NAALADL2: variants seen among roughly 807,000 people sequenced by gnomAD.
NAALADL2 encodes inactive N-acetylated-alpha-linked acidic dipeptidase-like protein 2.
A neutral mutation model predicts 87.2 loss-of-function variants in NAALADL2; 76 were observed. The observed-to-expected ratio is 0.87, with a 90% CI of 0.72 to 1.05. The LOEUF (loss-of-function observed/expected upper bound fraction) is 1.05. Ranked by LOEUF, NAALADL2 falls within the 50% of genes least tolerant of loss-of-function variation. The pLI is 0.00. For missense variants in NAALADL2, 1,089 were observed against 945.8 expected, an observed-to-expected ratio of 1.15 and a Z score of -1.99; for synonymous variants, 354 against 331.0, an observed-to-expected ratio of 1.07 and a Z score of -0.75.
chr3:175,429,357 G>T (rs982806176), intron 5 of NAALADL2, among the ~76,000 whole-genome samples: 1 of 151,850 alleles, frequency 6.6e-6, no homozygotes, highest in African/African-American at 2.4e-5. Context: ...TGCTGTATAT[G>T]AATTCTTTGA....
At chr3:175,565,074 C>T (rs1319979095) in intron 9 of NAALADL2, among the ~76,000 whole-genome samples, 1 of 152,166 alleles carries the variant, frequency 6.6e-6, no homozygotes, top group African/African-American at 2.4e-5. Context: ...CTTAACAGCG[C>T]TTTTTCTATA....
At position 175,523,122 on chromosome 3, in the gene NAALADL2, G is replaced by A. The variant is rs78228453; in HGVS notation, c.1653+51364G>A. 9.6e-3 allele frequency among the ~76,000 whole-genome samples: 1,457 copies of A among 152,272 alleles called. 27 individuals are homozygous for A. Among genetic ancestry groups the A allele is most frequent in the African/African-American group, 0.033 (1,362 of 41,550 alleles). ...TTAATGGAATCAGCGGTTCTACCAA[G>A]TAGTGAAAATTAATTCTCTAGAGAC... On this transcript the variant is annotated intron_variant, in intron 9 of 13. Transcript: ENST00000454872.
rs895788874 is a variant in NAALADL2, at chr3:175,129,118, T to A, written c.545+31827T>A. Among the ~76,000 whole-genome samples, 26 of 149,300 alleles carry A rather than the reference T, an allele frequency of 1.7e-4. No individual in the cohort carries two copies. The South Asian group carries it at 3.2e-3, about 18-fold the overall frequency. On this transcript the variant is annotated intron_variant, in intron 2 of 13. Coordinates refer to ENST00000454872, the MANE Select transcript of NAALADL2 (RefSeq NM_207015.3). ...TATGCCTGGCTAATTTTTTTTTTTT[T>A]ATAATTTTAATAGAGACAGGGTTTT...
intron 2 of NAALADL2, among the ~76,000 whole-genome samples, chr3:175,173,296 TAAATAAATAAATA>T (rs1216915658): frequency 1.1e-5 from 1 of 94,306 alleles, no homozygotes; most frequent in African/African-American, 3.4e-5. Context: ...CGTTTCAAAA[TAAATAAATAAATA>T]AAATAAATAA....
At chr3:174,611,963 T>C (rs1401095897) in intron 2 of NAALADL2, among the ~76,000 whole-genome samples, 2 of 152,126 alleles carry the variant, frequency 1.3e-5, no homozygotes, top group Non-Finnish European at 2.9e-5. Flanking sequence ...TAGCATTTTT[T>C]TGTAGGACAG....
At chr3:174,635,777 A>T (rs1258613402) in intron 2 of NAALADL2, among the ~76,000 whole-genome samples, 1 of 152,154 alleles carries the variant, frequency 6.6e-6, no homozygotes, top group African/African-American at 2.4e-5. Context: ...TGCTGGGATT[A>T]CAGGCGTGAG....
chr3:174,650,365 T>G (rs886980532), intron 2 of NAALADL2, among the ~76,000 whole-genome samples: 1 of 152,132 alleles, frequency 6.6e-6, no homozygotes, highest in African/African-American at 2.4e-5. Flanking sequence ...TTCTTAGAAA[T>G]CCACAGCTTA....
intron 3 of NAALADL2, among the ~76,000 whole-genome samples, chr3:174,765,143 CGAGAGAGAGAGAGAGA>C (rs71634279): frequency 8.0e-6 from 1 of 124,552 alleles, no homozygotes; most frequent in East Asian, 2.0e-4. Context: ...CACACACACA[CGAGAGAGAGAGAGAGA>C]GAGAGAGAGA....
chr3:174,509,591 T>C (rs1222597650), intron 1 of NAALADL2, among the ~76,000 whole-genome samples: 1 of 123,434 alleles, frequency 8.1e-6, no homozygotes, highest in African/African-American at 3.5e-5. Flanking sequence ...TTTTTTTTTT[T>C]TTTTTTTTGT....
At chr3:174,792,113 C>T (rs975309972) in intron 3 of NAALADL2, among the ~76,000 whole-genome samples, 2 of 152,042 alleles carry the variant, frequency 1.3e-5, no homozygotes, top group African/African-American at 4.8e-5. Context: ...CCCAGCTACT[C>T]AGGAAGCTGA....
chr3:175,357,626 A>T (rs1764536210), intron 5 of NAALADL2, among the ~76,000 whole-genome samples: 1 of 152,174 alleles, frequency 6.6e-6, no homozygotes, highest in African/African-American at 2.4e-5. Context: ...CTAATACAAT[A>T]TATGCAACAA....
chr3:175,699,540 GC>G (rs1202514649), intron 11 of NAALADL2, among the ~76,000 whole-genome samples: 1 of 151,960 alleles, frequency 6.6e-6, no homozygotes, highest in Non-Finnish European at 1.5e-5. Context: ...TACCACACTA[GC>G]CCTCTACCCC....
intron 11 of NAALADL2, among the ~76,000 whole-genome samples, chr3:175,679,212 G>A (rs1448732000): frequency 6.6e-6 from 1 of 151,624 alleles, no homozygotes; most frequent in Non-Finnish European, 1.5e-5. Context: ...GCAGGTCACG[G>A]GATATGATGG....
intron 9 of NAALADL2, among the ~76,000 whole-genome samples, chr3:175,542,814 G>A (rs984781393): frequency 6.6e-6 from 1 of 152,142 alleles, no homozygotes; most frequent in Non-Finnish European, 1.5e-5. Flanking sequence ...GAAATATTTT[G>A]ATAAGCCAAT....
At chr3:175,245,982 C>G (rs931904120) in intron 3 of NAALADL2, among the ~76,000 whole-genome samples, 1 of 152,140 alleles carries the variant, frequency 6.6e-6, no homozygotes, top group Admixed American at 6.6e-5. Context: ...ATGTCTGCCA[C>G]AGGAGTGGGG....
At chr3:175,619,062 C>T (rs1725780734) in intron 10 of NAALADL2, among the ~76,000 whole-genome samples, 1 of 152,076 alleles carries the variant, frequency 6.6e-6, no homozygotes, top group Admixed American at 6.5e-5. Flanking sequence ...AAAGGCGCCT[C>T]TGGAGGGTGT....
intron 1 of NAALADL2, among the ~76,000 whole-genome samples, chr3:174,883,369 ATTCATAATC>A (rs1489663452): frequency 3.3e-5 from 5 of 152,150 alleles, no homozygotes; most frequent in African/African-American, 1.2e-4. Flanking sequence ...TCTTGAGATC[ATTCATAATC>A]TTCATAATCT....
intron 2 of NAALADL2, among the ~76,000 whole-genome samples, chr3:175,167,520 C>A (rs528038991): frequency 1.3e-5 from 2 of 152,094 alleles, no homozygotes; most frequent in South Asian, 4.1e-4. Context: ...TCAGGACCTG[C>A]TACATAATTT....
At chr3:175,287,899 T>C (rs1755174122) in intron 4 of NAALADL2, among the ~76,000 whole-genome samples, 1 of 152,212 alleles carries the variant, frequency 6.6e-6, no homozygotes, top group Admixed American at 6.5e-5. Flanking sequence ...TCTATTTTCC[T>C]AAAATTTTCC....
Sources: gnomAD v4.1 joint callset for allele counts (sites outside exome capture counted in the v4.1 genomes callset) on GRCh38, gnomAD v4.1.1 for gene constraint, MANE v1.5 for transcripts, NCBI Gene and HGNC (gene_info 2026-07-23, HGNC 2026-07-21) for gene names.